PDE4D: variants seen among roughly 807,000 people sequenced by gnomAD.
PDE4D encodes the protein phosphodiesterase 4D.
A neutral mutation model predicts 87.4 loss-of-function variants in PDE4D; 24 were observed. The observed-to-expected ratio is 0.27, with a 90% CI of 0.20 to 0.39. The LOEUF is 0.39. Among genes scored for constraint, PDE4D ranks in the 10% least tolerant of loss-of-function variants. PDE4D has a pLI of 1.00. For missense variants in PDE4D, 714 were observed against 1,041.0 expected, an observed-to-expected ratio of 0.69 and a Z score of 4.32; for synonymous variants, 384 against 383.2, an observed-to-expected ratio of 1.00 and a Z score of -0.02.
rs917768779 is a variant in PDE4D at position 59,793,061 on chromosome 5, C to T, written c.455+100107G>A. ...GTGGCAAGACAGTCAAATGGAATGT[C>T]CGATAGGTAGGAAATCAGAGCAAGA... On this transcript the variant is annotated intron_variant, in intron 1 of 14. Transcript: ENST00000340635. Among the ~76,000 whole-genome samples, 6 of 152,074 alleles carry T rather than the reference C, an allele frequency of 3.9e-5. No individual in the cohort carries two copies. The South Asian group carries it at 1.0e-3, about 26-fold the overall frequency.
chr5:60,508,581 A>T (rs931709750), intron 1 of PDE4D, among the ~76,000 whole-genome samples: 1 of 152,260 alleles, frequency 6.6e-6, no homozygotes, highest in African/African-American at 2.4e-5. Flanking sequence ...ATGTTTACAG[A>T]GTTGATTCTT....
At chr5:59,265,680 T>TA (rs1484773999) in intron 1 of PDE4D, among the ~76,000 whole-genome samples, 1 of 152,080 alleles carries the variant, frequency 6.6e-6, no homozygotes, top group Non-Finnish European at 1.5e-5. Flanking sequence ...TAACATTTTA[T>TA]AATTAAGAAA....
chr5:60,256,349 A>T (rs1241561070), intron 1 of PDE4D, among the ~76,000 whole-genome samples: 1 of 152,022 alleles, frequency 6.6e-6, no homozygotes, highest in Non-Finnish European at 1.5e-5. Context: ...CTTTAAAAGA[A>T]AATTTTGTGA....
chr5:59,694,738 C>T (rs552120222), intron 1 of PDE4D, among the ~76,000 whole-genome samples: 32 of 151,940 alleles, frequency 2.1e-4, no homozygotes, highest in Non-Finnish European at 3.8e-4. Context: ...TTGAGAAGGA[C>T]CATGGATCTA....
intron 1 of PDE4D, among the ~76,000 whole-genome samples, chr5:59,731,717 T>C (rs1008767683): frequency 3.9e-5 from 6 of 152,162 alleles, no homozygotes; most frequent in Non-Finnish European, 5.9e-5. Context: ...TTGACACACA[T>C]TAATTTAGGT....
intron 1 of PDE4D, among the ~76,000 whole-genome samples, chr5:59,621,487 T>C (rs1830351289): frequency 6.6e-6 from 1 of 152,192 alleles, no homozygotes; most frequent in South Asian, 2.1e-4. Context: ...AAAGCAAACC[T>C]GCTAGGCCCC....
chr5:60,012,177 T>C (rs1210180949), intron 2 of PDE4D, among the ~76,000 whole-genome samples: 1 of 152,192 alleles, frequency 6.6e-6, no homozygotes, highest in African/African-American at 2.4e-5. Context: ...GATACATTCA[T>C]AATTGAAATC....
intron 6 of PDE4D, chr5:58,999,553 G>GTATATATA (rs35776313): frequency 6.6e-6 from 7 of 1,064,712 alleles, no homozygotes; most frequent in African/African-American, 5.2e-5. Flanking sequence ...TTGATTATAT[G>GTATATATA]TATATATATA....
At chr5:59,517,280 A>C (rs1473680945) in intron 1 of PDE4D, among the ~76,000 whole-genome samples, 4 of 152,258 alleles carry the variant, frequency 2.6e-5, no homozygotes, top group African/African-American at 9.6e-5. Flanking sequence ...CATAAAATGC[A>C]TGCATATTCT....
intron 1 of PDE4D, among the ~76,000 whole-genome samples, chr5:60,344,751 A>T (rs1758598501): frequency 6.6e-6 from 1 of 152,158 alleles, no homozygotes; most frequent in African/African-American, 2.4e-5. Context: ...TTATCTATCC[A>T]AAGATTTTTT....
At chr5:60,315,969 G>A (rs1433398702) in intron 1 of PDE4D, among the ~76,000 whole-genome samples, 3 of 152,160 alleles carry the variant, frequency 2.0e-5, no homozygotes, top group Non-Finnish European at 4.4e-5. Flanking sequence ...TGGCAATGTG[G>A]GCTCTTTTTT....
chr5:60,183,125 T>C (rs1227112834), intron 2 of PDE4D, among the ~76,000 whole-genome samples: 2 of 152,082 alleles, frequency 1.3e-5, no homozygotes, highest in Non-Finnish European at 2.9e-5. Context: ...AGGGAAAAAG[T>C]AGCTTTCGGC....
chr5:60,270,749 C>T (rs765965401), intron 1 of PDE4D, among the ~76,000 whole-genome samples: 6 of 152,218 alleles, frequency 3.9e-5, no homozygotes, highest in South Asian at 2.1e-4. Flanking sequence ...ATGAAATCTC[C>T]GCTTATCATT....
rs541248821 is a variant in PDE4D, at chr5:60,111,339, T to C, written c.42+74218A>G. ...ACCTATCTGACCAGGATATTTTTGG[T>C]TATTATTATATGTCAACAATAATAT... On this transcript the variant is annotated intron_variant, in intron 2 of 16. Transcript: ENST00000502484. 7.9e-5 allele frequency among the ~76,000 whole-genome samples: 12 copies of C among 152,130 alleles called. No individual in the cohort carries two copies. In the South Asian group the frequency reaches 2.3e-3, roughly 29 times the overall value.
At chr5:58,979,847 TC>T (rs1040158915) in intron 11 of PDE4D, among the ~76,000 whole-genome samples, 8 of 152,126 alleles carry the variant, frequency 5.3e-5, no homozygotes, top group Admixed American at 2.6e-4. Context: ...TTTTAATCGT[TC>T]CTCCCCAAAC....
chr5:59,712,393 C>CATATAT (rs5868190), intron 1 of PDE4D, among the ~76,000 whole-genome samples: 2,324 of 122,316 alleles, frequency 0.019, 23 homozygotes, highest in Non-Finnish European at 0.022. Flanking sequence ...TAATATTATT[C>CATATAT]ATATATATAT....
intron 3 of PDE4D, among the ~76,000 whole-genome samples, chr5:59,903,728 C>G (rs770626555): frequency 2.6e-5 from 4 of 152,134 alleles, no homozygotes; most frequent in Non-Finnish European, 5.9e-5. Context: ...TCCAAGGACA[C>G]ACAGACAGCA....
intron 1 of PDE4D, among the ~76,000 whole-genome samples, chr5:60,236,188 G>A (rs1241491897): frequency 3.3e-5 from 5 of 151,900 alleles, no homozygotes; most frequent in Non-Finnish European, 5.9e-5. Context: ...TTGGTGATGA[G>A]TTCTTATACA....
At chr5:59,919,391 C>T (rs981469299) in intron 3 of PDE4D, among the ~76,000 whole-genome samples, 4 of 152,176 alleles carry the variant, frequency 2.6e-5, no homozygotes, top group Admixed American at 6.5e-5. Flanking sequence ...GTGTACCATA[C>T]AATCTGCATG....
Sources: allele counts gnomAD v4.1 joint callset (sites outside exome capture counted in the v4.1 genomes callset), GRCh38; gene constraint gnomAD v4.1.1; transcripts MANE v1.5; gene names NCBI Gene and HGNC (gene_info 2026-07-23, HGNC 2026-07-21).